Variants in GRM1 observed in about 807,000 individuals in gnomAD.
GRM1 encodes glutamate metabotropic receptor 1.
In GRM1, 33 loss-of-function variants were observed where a neutral mutation model predicts 90.9. The observed-to-expected ratio is 0.36, with a 90% CI of 0.28 to 0.49. GRM1 has a LOEUF of 0.49. GRM1 is among the 20% of genes least tolerant of loss of function. The pLI, the probability that GRM1 is intolerant of heterozygous loss-of-function variation, is 0.99. For missense variants in GRM1, 1,190 were observed against 1,534.3 expected (o/e 0.78, Z 3.75); for synonymous variants, 700 against 613.2 (o/e 1.14, Z -2.09).
intron 2 of GRM1, among the ~76,000 whole-genome samples, chr6:146,237,529 A>C (rs1583205375): frequency 8.0e-6 from 1 of 124,714 alleles, no homozygotes; most frequent in Non-Finnish European, 1.8e-5. Context: ...ATAATTGTTT[A>C]TTTATAAAAT....
At chr6:146,237,168 T>G (rs954245354) in intron 2 of GRM1, among the ~76,000 whole-genome samples, 53 of 152,098 alleles carry the variant, frequency 3.5e-4, no homozygotes, top group Non-Finnish European at 5.3e-4. Context: ...ACCATTGTGA[T>G]TTTTGCAGAT....
intron 2 of GRM1, among the ~76,000 whole-genome samples, chr6:146,203,172 G>A (rs1035637040): frequency 6.7e-6 from 1 of 149,982 alleles, no homozygotes; most frequent in Non-Finnish European, 1.5e-5. Context: ...CCAGCCTGGG[G>A]GACAGAGAGA....
At chr6:146,373,854 A>G (rs941470412) in intron 5 of GRM1, among the ~76,000 whole-genome samples, 2 of 152,058 alleles carry the variant, frequency 1.3e-5, no homozygotes, top group African/African-American at 4.8e-5. Context: ...TGCCCTTTAT[A>G]TCTTTCTCTT....
At chr6:146,402,012 T>C (rs2114594592) in intron 7 of GRM1, among the ~76,000 whole-genome samples, 1 of 152,268 alleles carries the variant, frequency 6.6e-6, no homozygotes. Flanking sequence ...AGCATTCCCT[T>C]CACTATTAGA....
chr6:146,041,607 C>A (rs1170174231), intron 1 of GRM1, among the ~76,000 whole-genome samples: 1 of 151,944 alleles, frequency 6.6e-6, no homozygotes, highest in East Asian at 1.9e-4. Flanking sequence ...GCCCAGAAGA[C>A]TCATGAATGT....
At chr6:146,081,326 A>G (rs1436640244) in intron 1 of GRM1, among the ~76,000 whole-genome samples, 1 of 152,218 alleles carries the variant, frequency 6.6e-6, no homozygotes, top group Non-Finnish European at 1.5e-5. Flanking sequence ...GCCAAAAAAT[A>G]AAATAAAGCA....
intron 1 of GRM1, among the ~76,000 whole-genome samples, chr6:146,155,411 A>G (rs1777488754): frequency 6.6e-6 from 1 of 152,222 alleles, no homozygotes; most frequent in Admixed American, 6.5e-5. Flanking sequence ...ATAGGTGTAT[A>G]GTAGGTTATG....
intron 2 of GRM1, among the ~76,000 whole-genome samples, chr6:146,232,141 G>C (rs1402888345): frequency 5.3e-5 from 8 of 152,064 alleles, no homozygotes; most frequent in Non-Finnish European, 8.8e-5. Context: ...TTGGCAGTTT[G>C]TGTCTTTATT....
At chr6:146,039,928 G>T (rs1239987297) in intron 1 of GRM1, among the ~76,000 whole-genome samples, 2 of 151,918 alleles carry the variant, frequency 1.3e-5, no homozygotes, top group Non-Finnish European at 1.5e-5. Context: ...TGAGTTTGTG[G>T]TATCCATTGG....
intron 1 of GRM1, among the ~76,000 whole-genome samples, chr6:146,040,149 G>T (rs539119999): frequency 4.9e-4 from 75 of 152,078 alleles, no homozygotes; most frequent in African/African-American, 1.7e-3. Context: ...AGTTTAAAAA[G>T]TAGAAAAAGA....
chr6:146,313,791 A>G (rs1488532243), intron 3 of GRM1, among the ~76,000 whole-genome samples: 1 of 152,090 alleles, frequency 6.6e-6, no homozygotes, highest in Non-Finnish European at 1.5e-5. Flanking sequence ...CATTTACTGC[A>G]ATTAAGATAC....
intron 1 of GRM1, among the ~76,000 whole-genome samples, chr6:146,070,529 G>A (rs948943117): frequency 3.9e-5 from 6 of 152,088 alleles, no homozygotes; most frequent in African/African-American, 1.2e-4. Context: ...CATCTCCCAC[G>A]TAGTTTTGGT....
chr6:146,093,788 A>C (rs1190474994), intron 1 of GRM1, among the ~76,000 whole-genome samples: 1 of 152,048 alleles, frequency 6.6e-6, no homozygotes, highest in East Asian at 1.9e-4. Context: ...CACTCTCCTT[A>C]GGTGCTTACA....
chr6:146,386,571 ATAAATAT>A (rs1337080012), intron 5 of GRM1, among the ~76,000 whole-genome samples: 2 of 152,050 alleles, frequency 1.3e-5, no homozygotes, highest in African/African-American at 4.8e-5. Context: ...TTTGAGAGTA[ATAAATAT>A]TAATATAAAC....
intron 1 of GRM1, among the ~76,000 whole-genome samples, chr6:146,072,575 T>A (rs1776050309): frequency 6.6e-6 from 1 of 152,176 alleles, no homozygotes; most frequent in Non-Finnish European, 1.5e-5. Context: ...TGTATATATT[T>A]AAGGTGTATG....
intron 3 of GRM1, among the ~76,000 whole-genome samples, chr6:146,349,227 C>T (rs550832903): frequency 1.5e-5 from 2 of 136,384 alleles, no homozygotes; most frequent in African/African-American, 5.6e-5. Context: ...CCACCATGCC[C>T]GGCTATTTTT....
At chr6:146,350,185 A>C (rs1785351448) in intron 3 of GRM1, among the ~76,000 whole-genome samples, 1 of 152,272 alleles carries the variant, frequency 6.6e-6, no homozygotes, top group Admixed American at 6.5e-5. Flanking sequence ...CACTGGCTTA[A>C]GAAATTTGTA....
intron 2 of GRM1, among the ~76,000 whole-genome samples, chr6:146,198,679 A>G (rs1206191436): frequency 6.6e-6 from 1 of 152,176 alleles, no homozygotes; most frequent in African/African-American, 2.4e-5. Context: ...AGGCTATAAT[A>G]ATGCTTTGGG....
intron 2 of GRM1, among the ~76,000 whole-genome samples, chr6:146,284,994 A>G (rs986838537): frequency 6.6e-6 from 1 of 152,200 alleles, no homozygotes; most frequent in Non-Finnish European, 1.5e-5. Context: ...ACCCAATGAG[A>G]GCAAATTTAA....
Sources: allele counts gnomAD v4.1 joint callset (sites outside exome capture counted in the v4.1 genomes callset), GRCh38; gene constraint gnomAD v4.1.1; transcripts MANE v1.5; gene names NCBI Gene and HGNC (gene_info 2026-07-23, HGNC 2026-07-21).